The following PIGU variants were observed in gnomAD, a reference collection of about 807,000 sequenced individuals.
PIGU encodes GPI-anchor transamidase component PIGU.
PIGU carries 24 observed loss-of-function variants against 49.9 expected under a neutral mutation model. The observed-to-expected ratio is 0.48, with a 90% CI of 0.35 to 0.68. The LOEUF is 0.68. Among genes scored for constraint, PIGU ranks in the 30% least tolerant of loss-of-function variants. PIGU has a pLI of 0.01. For synonymous variants in PIGU, 220 were observed against 205.7 expected (o/e 1.07, Z -0.59); for missense variants, 490 against 532.6 (o/e 0.92, Z 0.79).
At chr20:34,631,967 G>A (rs1209969586) in intron 6 of PIGU, among the ~76,000 whole-genome samples, 3 of 149,076 alleles carry the variant, frequency 2.0e-5, no homozygotes, top group African/African-American at 7.4e-5. Flanking sequence ...AGCCACCCAA[G>A]TAGCTAGGAC....
intron 7 of PIGU, among the ~76,000 whole-genome samples, chr20:34,590,439 C>A (rs142703707): frequency 1.3e-5 from 2 of 152,154 alleles, no homozygotes; most frequent in East Asian, 3.9e-4. Context: ...CGCCTGTAGT[C>A]CCAGCTACTC....
chr20:34,655,745 C>T lies in PIGU; in HGVS notation c.195+1435G>A, dbSNP rs1344032844. ...GATGTGGTGAGGAGGGTCTTCAGGG[C>T]TTTGTATGCCCCTCTAAGGTATCTG... On this transcript the variant is annotated intron_variant, in intron 2 of 11. Transcript: ENST00000217446. Among the ~76,000 whole-genome samples, 3 of 120,936 alleles carry T rather than the reference C, an allele frequency of 2.5e-5. 1 individual carries two copies. The East Asian group carries it at 7.6e-4, about 31-fold the overall frequency. The allele number at this position is 120,936 out of a possible 152,430, so 79.3% of individuals were successfully genotyped here. A position where few individuals can be genotyped will look rare whatever the true frequency, so the allele number is the denominator to read the frequency against.
intron 1 of PIGU, among the ~76,000 whole-genome samples, chr20:34,670,890 C>T (rs1362303967): frequency 3.9e-5 from 6 of 152,154 alleles, no homozygotes; most frequent in East Asian, 3.9e-4. Flanking sequence ...TAGATAAGTA[C>T]TAATAGCTTG....
At chr20:34,626,220 A>C (rs962901749) in intron 6 of PIGU, among the ~76,000 whole-genome samples, 1 of 152,038 alleles carries the variant, frequency 6.6e-6, no homozygotes, top group African/African-American at 2.4e-5. Context: ...CAAAAGTAGA[A>C]TAAAAATCAA....
At chr20:34,631,176 A>T (rs926984507) in intron 6 of PIGU, among the ~76,000 whole-genome samples, 5 of 152,268 alleles carry the variant, frequency 3.3e-5, no homozygotes, top group Non-Finnish European at 5.9e-5. Context: ...AGACCAGATA[A>T]AAATGTATAA....
chr20:34,574,116 T>A (rs1468336820), intron 11 of PIGU, among the ~76,000 whole-genome samples: 1 of 152,218 alleles, frequency 6.6e-6, no homozygotes, highest in Non-Finnish European at 1.5e-5. Context: ...TGGTAAATGG[T>A]ACAAGTGATT....
At chr20:34,571,003 T>C (rs1386774714) in intron 11 of PIGU, among the ~76,000 whole-genome samples, 2 of 152,192 alleles carry the variant, frequency 1.3e-5, no homozygotes, top group South Asian at 2.1e-4. Flanking sequence ...ACATGAGTAA[T>C]GGCAACAGGA....
intron 1 of PIGU, among the ~76,000 whole-genome samples, chr20:34,659,300 T>C (rs1311270609): frequency 6.6e-5 from 5 of 75,490 alleles, no homozygotes; most frequent in African/African-American, 1.1e-4. Flanking sequence ...GGGAGGGAGG[T>C]GGGGGGGTCA....
At chr20:34,592,448 AAAAG>A (rs1397610305) in intron 7 of PIGU, among the ~76,000 whole-genome samples, 3 of 151,724 alleles carry the variant, frequency 2.0e-5, no homozygotes, top group Admixed American at 6.6e-5. Flanking sequence ...AAAAAAAAAA[AAAAG>A]AGAGACGAAC....
intron 2 of PIGU, 88 bp downstream of exon 2, chr20:34,657,092 A>G: frequency 9.8e-7 from 1 of 1,020,544 alleles, no homozygotes; most frequent in South Asian, 1.4e-5. Flanking sequence ...ACATCTTTTT[A>G]AATGTTTGTA....
At chr20:34,562,360 G>A in intron 11 of PIGU, 1 of 1,213,766 alleles carries the variant, frequency 8.2e-7, no homozygotes, top group Admixed American at 2.6e-5. Flanking sequence ...CTTGGCTATG[G>A]TCTTGGGGCA....
intron 7 of PIGU, among the ~76,000 whole-genome samples, chr20:34,601,074 C>T (rs1984400671): frequency 6.6e-6 from 1 of 151,656 alleles, no homozygotes; most frequent in South Asian, 2.1e-4. Context: ...TTAGGCAAGT[C>T]CTGAACACAC....
At chr20:34,675,385 T>C (rs1987468182) in intron 1 of PIGU, among the ~76,000 whole-genome samples, 1 of 151,986 alleles carries the variant, frequency 6.6e-6, no homozygotes, top group Non-Finnish European at 1.5e-5. Flanking sequence ...TTTTCAGTTA[T>C]CCAGAAGAAA....
chr20:34,580,328 C>A (rs528566150), intron 10 of PIGU, among the ~76,000 whole-genome samples: 1 of 152,378 alleles, frequency 6.6e-6, no homozygotes, highest in South Asian at 2.1e-4. Context: ...ACAGAAGACA[C>A]TGCTTCCTCC....
chr20:34,599,361 G>A (rs1984324933), intron 7 of PIGU, among the ~76,000 whole-genome samples: 1 of 152,110 alleles, frequency 6.6e-6, no homozygotes, highest in Non-Finnish European at 1.5e-5. Flanking sequence ...GCTGAGACAG[G>A]AGGATTGCTT....
chr20:34,573,430 T>G (rs1007405985), intron 11 of PIGU, among the ~76,000 whole-genome samples: 5 of 151,988 alleles, frequency 3.3e-5, no homozygotes, highest in African/African-American at 1.2e-4. Context: ...TGCTTTAGAG[T>G]CCCTTCTCTC....
chr20:34,607,482 C>T (rs1984659916), intron 7 of PIGU, among the ~76,000 whole-genome samples: 1 of 152,174 alleles, frequency 6.6e-6, no homozygotes, highest in East Asian at 1.9e-4. Context: ...CAGGAATGAC[C>T]GAACTGAGGG....
At chr20:34,638,631 A>G (rs1157491355) in intron 4 of PIGU, among the ~76,000 whole-genome samples, 1 of 152,218 alleles carries the variant, frequency 6.6e-6, no homozygotes, top group Non-Finnish European at 1.5e-5. Context: ...GCAAGGTAGA[A>G]TGATCCCAAA....
In PIGU at chr20:34,634,128, G is replaced by A. The variant is rs370758684; in HGVS notation, c.529+487C>T. On this transcript the variant is annotated intron_variant, in intron 6 of 11. Coordinates refer to ENST00000217446, the MANE Select transcript of PIGU (RefSeq NM_080476.5). ...ACTCTGTCACCCAGGCTGGAGTGCA[G>A]TGGCATGATCACAGCTCACTGCAGC... Among the ~76,000 whole-genome samples, 62 of 152,186 alleles carry A rather than the reference G, an allele frequency of 4.1e-4. No homozygotes were observed. In the South Asian group the frequency reaches 4.6e-3, roughly 11 times the overall value.
Sources: allele counts gnomAD v4.1 joint callset (sites outside exome capture counted in the v4.1 genomes callset), GRCh38; gene constraint gnomAD v4.1.1; transcripts MANE v1.5; gene names NCBI Gene and HGNC (gene_info 2026-07-23, HGNC 2026-07-21).